FRMD4A: variants seen among roughly 807,000 people sequenced by gnomAD.
FRMD4A encodes FERM domain containing 4A, also known as FERM domain-containing protein 4A.
Under a neutral mutation model 129.1 loss-of-function variants are expected in FRMD4A, and 29 were observed. The ratio of observed to expected loss-of-function variants is 0.22; its 90% CI spans 0.17 to 0.31. The LOEUF (loss-of-function observed/expected upper bound fraction) is 0.31. FRMD4A is among the 10% of genes least tolerant of loss of function. The pLI, the probability that FRMD4A is intolerant of heterozygous loss-of-function variation, is 1.00. For synonymous variants in FRMD4A, 634 were observed against 571.6 expected (o/e 1.11, Z -1.56); for missense variants, 1,272 against 1,375.8 (o/e 0.92, Z 1.19).
rs184818822 is a variant in FRMD4A at position 14,215,175 on chromosome 10, C to T, written c.45+114883G>A. On this transcript the variant is annotated intron_variant, in intron 2 of 24. Transcript: ENST00000357447. ...TGTCTACAAAAAGCAATTGTCTTAA[C>T]GAAAAAGCCGTGGAAAATAAATATA... Among the ~76,000 whole-genome samples the T allele has an allele frequency of 2.3e-3, 355 of 152,160 alleles. 2 individuals carry two copies. The highest frequency in any genetic ancestry group is 0.014 in the Middle Eastern group (4 of 294).
At chr10:13,995,819 C>CTTT (rs112271578) in intron 2 of FRMD4A, among the ~76,000 whole-genome samples, 1 of 144,298 alleles carries the variant, frequency 6.9e-6, no homozygotes. Flanking sequence ...TTCCAGACTG[C>CTTT]TTTTTTTTTT....
At chr10:14,284,507 G>T (rs1845621231) in intron 2 of FRMD4A, among the ~76,000 whole-genome samples, 3 of 152,138 alleles carry the variant, frequency 2.0e-5, no homozygotes, top group Non-Finnish European at 4.4e-5. Flanking sequence ...TAAAAAATTA[G>T]CTGGGCGTGG....
chr10:14,086,016 T>C (rs1836251500), intron 2 of FRMD4A, among the ~76,000 whole-genome samples: 1 of 152,190 alleles, frequency 6.6e-6, no homozygotes, highest in Non-Finnish European at 1.5e-5. Context: ...CGAGGTCTTT[T>C]CAGAGCACTG....
At chr10:14,326,624 T>C (rs956280933) in intron 2 of FRMD4A, 8 of 391,386 alleles carry the variant, frequency 2.0e-5, no homozygotes, top group Middle Eastern at 6.3e-4. Context: ...TGAGCCTTTA[T>C]AATCTAAGAA....
At chr10:14,078,760 C>T (rs974198033) in intron 2 of FRMD4A, among the ~76,000 whole-genome samples, 3 of 152,202 alleles carry the variant, frequency 2.0e-5, no homozygotes, top group Non-Finnish European at 4.4e-5. Context: ...AAACTCAGGT[C>T]TCCTGGCTCC....
At chr10:14,080,426 C>A (rs1835862797) in intron 2 of FRMD4A, among the ~76,000 whole-genome samples, 1 of 152,078 alleles carries the variant, frequency 6.6e-6, no homozygotes, top group Admixed American at 6.5e-5. Context: ...GAGCCCCCAC[C>A]TGCCATAATG....
intron 2 of FRMD4A, among the ~76,000 whole-genome samples, chr10:14,154,188 C>T (rs1840486650): frequency 6.6e-6 from 1 of 152,112 alleles, no homozygotes; most frequent in Admixed American, 6.5e-5. Flanking sequence ...ATTTTGAAAA[C>T]CCGCATCGGC....
chr10:14,330,416 G>A (rs1247537178), intron 1 of FRMD4A, among the ~76,000 whole-genome samples, 181 bp downstream of exon 1: 3 of 152,120 alleles, frequency 2.0e-5, no homozygotes, highest in Non-Finnish European at 4.4e-5. Flanking sequence ...AAACACAAAC[G>A]TGAAAGCTTA....
chr10:14,031,708 G>T lies in FRMD4A; in HGVS notation c.46-172796C>A, dbSNP rs139293873. Reference sequence around the variant, plus strand: ...TCTGAAATGAGAAGCTGTGGAATAGGAGCTGGAGCTATGTGACGACTACTA... The same window carrying T: ...TCTGAAATGAGAAGCTGTGGAATAGTAGCTGGAGCTATGTGACGACTACTA... On this transcript the variant is annotated intron_variant, in intron 2 of 24. Transcript: ENST00000357447. 7.6e-4 allele frequency among the ~76,000 whole-genome samples: 115 copies of T among 152,290 alleles called. 1 individual carries two copies. The highest frequency in any genetic ancestry group is 2.5e-3 in the African/African-American group (105 of 41,548).
At chr10:14,329,065 G>C (rs907811582) in intron 2 of FRMD4A, among the ~76,000 whole-genome samples, 2 of 152,150 alleles carry the variant, frequency 1.3e-5, no homozygotes, top group Admixed American at 6.5e-5. Flanking sequence ...TGCCACCCAG[G>C]GGGCAGGCTT....
chr10:13,661,348 C>A (rs1055238661), intron 19 of FRMD4A, among the ~76,000 whole-genome samples: 1 of 152,078 alleles, frequency 6.6e-6, no homozygotes, highest in African/African-American at 2.4e-5. Flanking sequence ...GAGCAGTGGG[C>A]AGGCAAAGAG....
intron 18 of FRMD4A, among the ~76,000 whole-genome samples, chr10:13,664,948 T>C (rs2082903806): frequency 6.6e-6 from 1 of 152,190 alleles, no homozygotes; most frequent in Non-Finnish European, 1.5e-5. Flanking sequence ...AATGTCGCAA[T>C]CTCAGCTCAC....
In FRMD4A at chr10:13,767,758, T is replaced by C. The variant is rs1195001404; in HGVS notation, c.385-5078A>G. ...CTTATGCAGGGGCTGAGGTGTAACA[T>C]TCCTCTGCGCTTATGCAATCCACAG... On this transcript the variant is annotated intron_variant, in intron 6 of 24. Coordinates refer to ENST00000357447, the MANE Select transcript of FRMD4A (RefSeq NM_018027.5). Among the ~76,000 whole-genome samples the C allele has an allele frequency of 3.9e-5, 6 of 152,302 alleles. No homozygotes were observed. In the South Asian group the frequency reaches 1.0e-3, roughly 26 times the overall value.
intron 2 of FRMD4A, among the ~76,000 whole-genome samples, chr10:14,129,951 C>G (rs144140489): frequency 1.1e-3 from 173 of 152,312 alleles, no homozygotes; most frequent in Middle Eastern, 6.8e-3. Context: ...TCCCTCTTCC[C>G]TGTGGTGGCC....
chr10:14,062,417 C>T (rs996375598), intron 2 of FRMD4A, among the ~76,000 whole-genome samples: 15 of 152,124 alleles, frequency 9.9e-5, no homozygotes, highest in Admixed American at 5.2e-4. Context: ...AAAGGAAACT[C>T]CCAGAGATAA....
chr10:13,770,242 T>TAGTC (rs1377964329), intron 6 of FRMD4A, among the ~76,000 whole-genome samples: 1 of 152,084 alleles, frequency 6.6e-6, no homozygotes, highest in African/African-American at 2.4e-5. Flanking sequence ...TCCTCATTCT[T>TAGTC]AGTCCTCTGC....
At chr10:13,708,531 C>G (rs898151940) in intron 12 of FRMD4A, among the ~76,000 whole-genome samples, 1 of 152,236 alleles carries the variant, frequency 6.6e-6, no homozygotes, top group African/African-American at 2.4e-5. Flanking sequence ...TTGTCCCCGG[C>G]TCAGAGTGCA....
chr10:14,127,952 T>TTCTTTCTTTCTC (rs1838955437), intron 2 of FRMD4A, among the ~76,000 whole-genome samples: 2 of 23,060 alleles, frequency 8.7e-5, no homozygotes, highest in African/African-American at 5.3e-4. Context: ...CTTTCTTTCT[T>TTCTTTCTTTCTC]TCTTTCTTTC....
intron 2 of FRMD4A, among the ~76,000 whole-genome samples, chr10:13,934,836 T>C (rs1221976748): frequency 2.6e-5 from 4 of 152,348 alleles, no homozygotes; most frequent in African/African-American, 4.8e-5. Context: ...TATAACAAAA[T>C]GCCTTAGACT....
Sources: allele counts gnomAD v4.1 joint callset (sites outside exome capture counted in the v4.1 genomes callset), GRCh38; gene constraint gnomAD v4.1.1; transcripts MANE v1.5; gene names NCBI Gene and HGNC (gene_info 2026-07-23, HGNC 2026-07-21).